The following MED13L variants were observed in gnomAD, a reference collection of about 807,000 sequenced individuals.
The protein encoded by MED13L is mediator of RNA polymerase II transcription subunit 13-like.
A neutral mutation model predicts 220.9 loss-of-function variants in MED13L; 7 were observed. That is an observed-to-expected ratio of 0.03 (90% confidence interval 0.02 to 0.06). MED13L has a LOEUF of 0.06. Among genes scored for constraint, MED13L ranks in the 10% least tolerant of loss-of-function variants. The pLI is 1.00. For synonymous variants in MED13L, 1,011 were observed against 1,015.2 expected (o/e 1.00, Z 0.08); for missense variants, 1,965 against 2,760.5 (o/e 0.71, Z 6.46).
chr12:116,109,425 C>T (rs963009080), intron 3 of MED13L, among the ~76,000 whole-genome samples: 5 of 151,938 alleles, frequency 3.3e-5, no homozygotes, highest in Middle Eastern at 3.4e-3. Flanking sequence ...AATTGTCTCT[C>T]GACAAAGAAA....
At chr12:116,071,929 C>T (rs1324544985) in intron 4 of MED13L, among the ~76,000 whole-genome samples, 2 of 152,222 alleles carry the variant, frequency 1.3e-5, no homozygotes, top group Non-Finnish European at 2.9e-5. Context: ...TAAGTAAGTA[C>T]TATGGGCTTA....
rs1875471166 is a variant in MED13L, at chr12:116,125,186, T to C, written c.311-13674A>G. 2.0e-5 allele frequency among the ~76,000 whole-genome samples: 3 copies of C among 152,184 alleles called. No homozygotes were observed. In the South Asian group the frequency reaches 6.2e-4, roughly 31 times the overall value. Reference sequence around the variant, plus strand: ...GTAATAGCTTTTCAAAAAATAATTATGTAGCCAGGCAATGTGGCAGGAGCC... The same window carrying C: ...GTAATAGCTTTTCAAAAAATAATTACGTAGCCAGGCAATGTGGCAGGAGCC... On this transcript the variant is annotated intron_variant, in intron 2 of 30. Transcript: ENST00000281928.
chr12:116,180,241 A>G (rs1880421881), intron 2 of MED13L, among the ~76,000 whole-genome samples: 1 of 152,196 alleles, frequency 6.6e-6, no homozygotes, highest in Non-Finnish European at 1.5e-5. Flanking sequence ...ATGTCAATAC[A>G]GGTTGAGCAT....
At chr12:116,119,958 C>T (rs538538221) in intron 2 of MED13L, among the ~76,000 whole-genome samples, 1 of 149,686 alleles carries the variant, frequency 6.7e-6, no homozygotes, top group South Asian at 2.1e-4. Context: ...TGCTTTTACA[C>T]CTACTGTTAC....
At chr12:116,276,898 G>C in intron 1 of MED13L, 162 bp downstream of exon 1, 1 of 984,926 alleles carries the variant, frequency 1.0e-6, no homozygotes, top group Non-Finnish European at 1.5e-6. Flanking sequence ...AGGCGAGAGA[G>C]AGACGATCCA....
Position 116,007,645 on chromosome 12 carries a change from C to T in MED13L, c.2013-9G>A. 1.3e-6 allele frequency: 1 copy of T among 754,806 alleles called. No individual in the cohort carries two copies. Among genetic ancestry groups the T allele is most frequent in the Non-Finnish European group, 1.8e-6 (1 of 547,202 alleles). 46.8% of individuals were successfully genotyped at this position (754,806 alleles called of 1,614,324 possible). On this transcript the variant is annotated splice_polypyrimidine_tract_variant and intron_variant, in intron 10 of 30. Transcript: ENST00000281928. ...TAGGTTGTGCTAAGAGTCTAAAAGA[C>T]AAAAAAAAAAAAAAAAAAAAGAGCA...
chr12:116,038,186 T>A (rs1025255377), intron 4 of MED13L, among the ~76,000 whole-genome samples: 9 of 151,836 alleles, frequency 5.9e-5, no homozygotes, highest in Non-Finnish European at 8.8e-5. Context: ...TTTTTTTTTT[T>A]AAATATAAAA....
chr12:116,112,246 AC>A (rs1874152615), intron 2 of MED13L, among the ~76,000 whole-genome samples: 4 of 152,202 alleles, frequency 2.6e-5, no homozygotes, highest in Admixed American at 2.6e-4. Flanking sequence ...CCTAGAGAAG[AC>A]AGTTAATTTC....
At chr12:116,027,395 C>A (rs547874567) in intron 4 of MED13L, among the ~76,000 whole-genome samples, 1 of 152,108 alleles carries the variant, frequency 6.6e-6, no homozygotes, top group Non-Finnish European at 1.5e-5. Flanking sequence ...GAACTCCAGC[C>A]GGGGTGACAG....
chr12:116,146,453 T>A (rs1222851237), intron 2 of MED13L, among the ~76,000 whole-genome samples: 2 of 150,384 alleles, frequency 1.3e-5, no homozygotes, highest in Non-Finnish European at 3.0e-5. Flanking sequence ...TTTTTTTTTT[T>A]AAAGCTCATC....
intron 2 of MED13L, among the ~76,000 whole-genome samples, chr12:116,200,966 G>A (rs1881975465): frequency 6.6e-6 from 1 of 152,136 alleles, no homozygotes; most frequent in Non-Finnish European, 1.5e-5. Flanking sequence ...ATCAGATCTG[G>A]AGAGAGCAGG....
At chr12:116,060,299 C>T (rs925406529) in intron 4 of MED13L, among the ~76,000 whole-genome samples, 1 of 151,866 alleles carries the variant, frequency 6.6e-6, no homozygotes, top group Admixed American at 6.6e-5. Flanking sequence ...AAAAACAGGC[C>T]GGGCGTGGTA....
chr12:116,015,420 T>C, intron 7 of MED13L, 146 bp from the exon 8 acceptor site: 2 of 815,334 alleles, frequency 2.5e-6, no homozygotes, highest in Non-Finnish European at 4.1e-6. Flanking sequence ...AATAACACTA[T>C]CTATAATCAT....
intron 3 of MED13L, among the ~76,000 whole-genome samples, chr12:116,100,590 C>T (rs1183868520): frequency 7.7e-6 from 1 of 130,712 alleles, no homozygotes; most frequent in Non-Finnish European, 1.6e-5. Flanking sequence ...AAAAGAGAGA[C>T]TCCGTCTCAA....
chr12:116,083,946 C>T (rs1236333951), intron 4 of MED13L, among the ~76,000 whole-genome samples: 1 of 152,146 alleles, frequency 6.6e-6, no homozygotes, highest in Non-Finnish European at 1.5e-5. Context: ...GAAGACTACA[C>T]AATGATGTAG....
chr12:116,109,164 G>T (rs1873871852), intron 3 of MED13L, among the ~76,000 whole-genome samples: 1 of 144,262 alleles, frequency 6.9e-6, no homozygotes, highest in South Asian at 2.2e-4. Flanking sequence ...TCAACCTCCT[G>T]GGCTCAAGCA....
intron 4 of MED13L, among the ~76,000 whole-genome samples, chr12:116,095,934 T>A (rs952988670): frequency 4.6e-5 from 7 of 152,172 alleles, no homozygotes; most frequent in African/African-American, 1.7e-4. Flanking sequence ...GGAAAGTAAT[T>A]CACAGTTCTG....
chr12:116,190,789 G>T (rs1881220964), intron 2 of MED13L, among the ~76,000 whole-genome samples: 1 of 152,008 alleles, frequency 6.6e-6, no homozygotes, highest in South Asian at 2.1e-4. Flanking sequence ...GGATGCTTCT[G>T]TTGCTTACCT....
intron 16 of MED13L, among the ~76,000 whole-genome samples, chr12:115,993,486 A>G (rs948892290): frequency 1.3e-5 from 2 of 152,124 alleles, no homozygotes; most frequent in African/African-American, 4.8e-5. Context: ...TACCAGCCTA[A>G]AAGTCCAAAT....
Sources: gnomAD v4.1 joint callset for allele counts (sites outside exome capture counted in the v4.1 genomes callset) on GRCh38, gnomAD v4.1.1 for gene constraint, MANE v1.5 for transcripts, NCBI Gene and HGNC (gene_info 2026-07-23, HGNC 2026-07-21) for gene names.